Variants in SLCO3A1 observed in about 807,000 individuals in gnomAD.
SLCO3A1 encodes PGE1 transporter.
SLCO3A1 carries 27 observed loss-of-function variants against 63.1 expected under a neutral mutation model. That is an observed-to-expected ratio of 0.43 (90% CI 0.32 to 0.59). SLCO3A1 has a LOEUF of 0.59. Among genes scored for constraint, SLCO3A1 ranks in the 20% least tolerant of loss-of-function variants. The pLI, the probability that SLCO3A1 is intolerant of heterozygous loss-of-function variation, is 0.09. For missense variants in SLCO3A1, 773 were observed against 945.8 expected, an observed-to-expected ratio of 0.82 and a Z score of 2.40; for synonymous variants, 473 against 409.9, an observed-to-expected ratio of 1.15 and a Z score of -1.86.
chr15:91,854,228 G>A lies in SLCO3A1; in HGVS notation c.180+140G>A. On this transcript the variant is annotated intron_variant, in intron 1 of 9. Transcript: ENST00000318445. The surrounding 1 kb of genome is among the most constrained non-coding windows in gnomAD (Gnocchi z 6.4). ...CCCGGCGTGGAGGTTGGCGAGTGGT[G>A]CAGAGGCGGCCGCCGGGGGAGCTGC... is the stretch of plus-strand genomic sequence containing the variant. The A allele has an allele frequency of 9.1e-7, 1 of 1,100,278 alleles. No homozygotes were observed. The highest frequency in any genetic ancestry group is 1.1e-6 in the Non-Finnish European group (1 of 870,552). The allele number at this position is 1,100,278 out of a possible 1,614,324, so 68.2% of individuals were successfully genotyped here.
chr15:91,925,733 G>A (rs568042502), intron 2 of SLCO3A1, among the ~76,000 whole-genome samples: 1 of 152,264 alleles, frequency 6.6e-6, no homozygotes, highest in South Asian at 2.1e-4. Context: ...AGAGATTCCA[G>A]TGTCCATCAT....
chr15:91,938,219 C>T (rs1463325897), intron 2 of SLCO3A1, among the ~76,000 whole-genome samples: 2 of 152,144 alleles, frequency 1.3e-5, no homozygotes, highest in Admixed American at 6.5e-5. Context: ...ATACTATCTG[C>T]GTTATGAGGA....
chr15:92,034,770 G>A lies in SLCO3A1; in HGVS notation c.647-60111G>A, dbSNP rs1254344326. Among the ~76,000 whole-genome samples the A allele has an allele frequency of 2.0e-5, 3 of 152,072 alleles. No individual in the cohort carries two copies. The East Asian group carries it at 5.8e-4, about 29-fold the overall frequency. Reference sequence around the variant, plus strand: ...CCTCGTTCCCATGTCCCCTCCAGTGGTGGCATGTGGCTATGGGAACTGTCA... The same window carrying A: ...CCTCGTTCCCATGTCCCCTCCAGTGATGGCATGTGGCTATGGGAACTGTCA... On this transcript the variant is annotated intron_variant, in intron 2 of 9. Coordinates refer to ENST00000318445, the MANE Select transcript of SLCO3A1 (RefSeq NM_013272.4).
intron 2 of SLCO3A1, among the ~76,000 whole-genome samples, chr15:92,030,004 A>G (rs4444317): frequency 0.19 from 28,460 of 152,166 alleles, 2,865 homozygotes; most frequent in Non-Finnish European, 0.21. Flanking sequence ...TTACTCTAAT[A>G]AAATGTCCTC....
chr15:92,031,107 C>T lies in SLCO3A1; in HGVS notation c.647-63774C>T, dbSNP rs181116438. 3.1e-4 allele frequency among the ~76,000 whole-genome samples: 47 copies of T among 152,106 alleles called. No individual in the cohort carries two copies. In the East Asian group the frequency reaches 3.7e-3, roughly 12 times the overall value. ...TATGCTTTTAAAGAAATGTTCTGCA[C>T]GCATTTCTGGTATCCGCTAAGGCTT... On this transcript the variant is annotated intron_variant, in intron 2 of 9. Transcript: ENST00000318445.
intron 2 of SLCO3A1, among the ~76,000 whole-genome samples, chr15:92,060,101 C>G (rs1016238098): frequency 6.6e-6 from 1 of 152,092 alleles, no homozygotes; most frequent in Admixed American, 6.6e-5. Context: ...AGTGGTACAC[C>G]TATAGAGGGC....
At chr15:91,891,333 C>T (rs888147610) in intron 1 of SLCO3A1, among the ~76,000 whole-genome samples, 5 of 152,162 alleles carry the variant, frequency 3.3e-5, no homozygotes, top group Non-Finnish European at 7.3e-5. Context: ...AGGCTTTCTT[C>T]CAGGGCAGCC....
At chr15:92,084,037 G>A (rs1365312136) in intron 2 of SLCO3A1, among the ~76,000 whole-genome samples, 4 of 152,200 alleles carry the variant, frequency 2.6e-5, no homozygotes, top group African/African-American at 9.6e-5. Context: ...TTTATCCTCA[G>A]TCATCCTTAA....
chr15:91,853,970 A>C lies in SLCO3A1; in HGVS notation c.62A>C (p.Asp21Ala). The change falls in exon 1 of 10, where the codon GAC (aspartate) becomes GCC (alanine). Residue 21 changes from aspartate (D) to alanine (A), a missense_variant. Physicochemically the swap from Asp to Ala is moderately radical, Grantham distance 126 (BLOSUM62 -2). Coordinates refer to ENST00000318445, the MANE Select transcript of SLCO3A1 (RefSeq NM_013272.4). ...GGGRSGELQG[D>A]EAQRNKKKKK... is the part of the protein sequence containing the mutation. ...GGCCGGAGCGGCGAGCTGCAGGGGG[A>C]CGAGGCGCAGAGGAACAAGAAAAAG... The C allele has an allele frequency of 6.7e-7, 1 of 1,496,878 alleles. No homozygotes were observed. The highest frequency in any genetic ancestry group is 1.8e-4 in the Middle Eastern group (1 of 5,666). The allele number at this position is 1,496,878 out of a possible 1,614,324, so 92.7% of individuals were successfully genotyped here.
chr15:92,062,504 C>T (rs188729251), intron 2 of SLCO3A1, among the ~76,000 whole-genome samples: 22 of 152,194 alleles, frequency 1.4e-4, no homozygotes, highest in Admixed American at 1.2e-3. Context: ...GGAGGGGGTT[C>T]GTGTGGTCAA....
chr15:92,074,460 G>A (rs1024128895), intron 2 of SLCO3A1, among the ~76,000 whole-genome samples: 5 of 152,168 alleles, frequency 3.3e-5, no homozygotes, highest in Admixed American at 6.5e-5. Context: ...TATGAGGATC[G>A]TTTCTCCAGT....
At chr15:91,864,498 T>G (rs1312806924) in intron 1 of SLCO3A1, among the ~76,000 whole-genome samples, 1 of 151,644 alleles carries the variant, frequency 6.6e-6, no homozygotes, top group Non-Finnish European at 1.5e-5. Context: ...CTCTTTTTTT[T>G]TTTTTTTTTT....
intron 2 of SLCO3A1, among the ~76,000 whole-genome samples, chr15:91,964,688 T>C (rs1400528751): frequency 1.3e-5 from 2 of 151,874 alleles, no homozygotes; most frequent in Admixed American, 1.3e-4. Flanking sequence ...AGTTGAGCAG[T>C]GTGTTGGGAA....
At chr15:91,977,608 G>C (rs1335463785) in intron 2 of SLCO3A1, among the ~76,000 whole-genome samples, 1 of 152,290 alleles carries the variant, frequency 6.6e-6, no homozygotes, top group South Asian at 2.1e-4. Context: ...CAACTGGAGT[G>C]TGGGGACATT....
chr15:92,158,646 A>C (rs919362429), intron 9 of SLCO3A1, among the ~76,000 whole-genome samples: 1 of 152,186 alleles, frequency 6.6e-6, no homozygotes. Context: ...GTTTGGTCCA[A>C]CTGAGTGACG....
intron 2 of SLCO3A1, among the ~76,000 whole-genome samples, chr15:92,052,501 C>T (rs1035686103): frequency 6.6e-6 from 1 of 152,100 alleles, no homozygotes; most frequent in Non-Finnish European, 1.5e-5. Context: ...AGAGTTCTTT[C>T]TCAGCAGTTT....
intron 1 of SLCO3A1, among the ~76,000 whole-genome samples, chr15:91,867,451 A>G (rs988900345): frequency 1.3e-5 from 2 of 152,120 alleles, no homozygotes; most frequent in African/African-American, 4.8e-5. Flanking sequence ...TTGCATATGT[A>G]CAAATTAGAT....
intron 2 of SLCO3A1, among the ~76,000 whole-genome samples, chr15:92,065,332 C>T (rs1051338421): frequency 2.0e-5 from 3 of 152,160 alleles, no homozygotes; most frequent in African/African-American, 7.2e-5. Context: ...AGGTGATCCA[C>T]CTACCTCGGC....
chr15:91,936,479 G>C (rs1196342869), intron 2 of SLCO3A1, among the ~76,000 whole-genome samples: 2 of 152,226 alleles, frequency 1.3e-5, no homozygotes, highest in Non-Finnish European at 2.9e-5. Context: ...GAACATTCCT[G>C]TCGCTGCAGA....
Sources: gnomAD v4.1 joint callset for allele counts (sites outside exome capture counted in the v4.1 genomes callset) on GRCh38, gnomAD v4.1.1 for gene constraint, Gnocchi (gnomAD v3.1) non-coding constraint, MANE v1.5 for transcripts, NCBI Gene and HGNC (gene_info 2026-07-23, HGNC 2026-07-21) for gene names.